The following MAP3K1 variants were observed in gnomAD, a reference collection of about 807,000 sequenced individuals.
The protein encoded by MAP3K1 is MAP/ERK kinase kinase 1.
A neutral mutation model predicts 144.2 loss-of-function variants in MAP3K1; 36 were observed. The ratio of observed to expected loss-of-function variants is 0.25; its 90% CI spans 0.19 to 0.33. The LOEUF (loss-of-function observed/expected upper bound fraction) is 0.33, where lower values mean the gene tolerates loss of function less well. MAP3K1 is among the 10% of genes least tolerant of loss of function. The pLI, the probability that MAP3K1 is intolerant of heterozygous loss-of-function variation, is 1.00. For synonymous variants in MAP3K1, 718 were observed against 688.7 expected (o/e 1.04, Z -0.67); for missense variants, 1,650 against 1,881.9 (o/e 0.88, Z 2.28).
rs61590040 is a variant in MAP3K1 at position 56,892,967 on chromosome 5, CTTT to C, written c.4390-557_4390-555del. Among the ~76,000 whole-genome samples, 141 of 150,376 alleles carry C rather than the reference CTTT, an allele frequency of 9.4e-4. 1 individual carries two copies. The highest frequency in any genetic ancestry group is 1.6e-3 in the African/African-American group (65 of 41,086). On this transcript the variant is annotated intron_variant, in intron 19 of 19. Transcript: ENST00000399503. ...CTACAAATAAGACCAAATAAAATTT[CTTT>C]TTTTTTAAAAAAAAAGTATTCAGAC... is the stretch of plus-strand genomic sequence containing the variant.
Position 56,868,090 on chromosome 5 carries a change from T to TTAA in MAP3K1, c.1301+2115_1301+2116insATA, listed in dbSNP as rs1469398822. On this transcript the variant is annotated intron_variant, in intron 6 of 19. Coordinates refer to ENST00000399503, the MANE Select transcript of MAP3K1 (RefSeq NM_005921.2). Reference sequence around the variant, plus strand: ...CACTGGTTATTAATAGGAGGTGCTATTATGGGTAACTTTTTTTAAACTTTA... The same window carrying TTAA: ...CACTGGTTATTAATAGGAGGTGCTATTAATATGGGTAACTTTTTTTAAACTTTA... Among the ~76,000 whole-genome samples, 10 of 152,290 alleles carry TTAA rather than the reference T, an allele frequency of 6.6e-5. No homozygotes were observed. In the East Asian group the frequency reaches 1.5e-3, roughly 23 times the overall value.
Position 56,815,747 on chromosome 5 carries a change from G to A in MAP3K1, c.174G>A (p.Arg58=). The change falls in exon 1 of 20, where the codon CGG becomes CGA. Residue 58 remains arginine, a synonymous_variant. Transcript: ENST00000399503. ...GSGGRERADW[R]RRQLRKVRSV... is the part of the protein sequence containing the mutation. ...GGGGCCGCGAGCGGGCGGACTGGCG[G>A]CGGCGGCAGCTGCGCAAAGTGCGGA... 1 of 1,365,372 alleles carries A rather than the reference G, an allele frequency of 7.3e-7. No homozygotes were observed. Among genetic ancestry groups the A allele is most frequent in the Non-Finnish European group, 9.5e-7 (1 of 1,055,634 alleles). The allele number at this position is 1,365,372 out of a possible 1,614,324, so 84.6% of individuals were successfully genotyped here. A position where few individuals can be genotyped will look rare whatever the true frequency, so the allele number is the denominator to read the frequency against.
At chr5:56,874,290 T>C (rs1265631952) in intron 9 of MAP3K1, among the ~76,000 whole-genome samples, 2 of 152,230 alleles carry the variant, frequency 1.3e-5, no homozygotes, top group African/African-American at 4.8e-5. Context: ...TTAAGCTTAC[T>C]TTTAGCTAAT....
intron 3 of MAP3K1, among the ~76,000 whole-genome samples, chr5:56,863,458 A>G (rs1354921533): frequency 2.6e-5 from 4 of 152,200 alleles, no homozygotes; most frequent in Non-Finnish European, 4.4e-5. Flanking sequence ...TTCAAGGTTC[A>G]TCCATGCTAT....
At chr5:56,876,586 GC>G (rs1410894504) in intron 10 of MAP3K1, among the ~76,000 whole-genome samples, 1 of 152,144 alleles carries the variant, frequency 6.6e-6, no homozygotes, top group African/African-American at 2.4e-5. Context: ...AGTTGGACTA[GC>G]CTAGGCAATC....
chr5:56,884,775 G>A lies in MAP3K1; in HGVS notation c.3931G>A (p.Gly1311Arg). Residue 1311 changes from glycine (G) to arginine (R), a missense_variant, in exon 16 of 20, where the codon GGA (glycine) becomes AGA (arginine). By Grantham distance (125) the Gly-to-Arg change is moderately radical (BLOSUM62 -2). Around this residue, in one of 6 missense-constraint regions of MAP3K1, gnomAD observed 165 missense variants for 322.9 expected, o/e 0.51. Coordinates refer to ENST00000399503, the MANE Select transcript of MAP3K1 (RefSeq NM_005921.2). Reference sequence around the variant, plus strand: ...TCATCCAAACATCATTAGGATGTTGGGAGCCACGTGTGAGAAGAGCAATTA... The same window carrying A: ...TCATCCAAACATCATTAGGATGTTGAGAGCCACGTGTGAGAAGAGCAATTA... ...LNHPNIIRMLGATCEKSNYNL... is the reference protein window; with the variant it reads ...LNHPNIIRMLRATCEKSNYNL... The A allele has an allele frequency of 6.2e-7, 1 of 1,613,810 alleles. No homozygotes were observed. The highest frequency in any genetic ancestry group is 8.5e-7 in the Non-Finnish European group (1 of 1,179,834).
Position 56,815,575 on chromosome 5 carries a change from T to TGGCGGC in MAP3K1, c.11_16dup (p.Ala4_Ala5dup), listed in dbSNP as rs779149827. ...AGCGAATGTAGCCCGCGAGAGAAAATGGCGGCGGCGGCGGGGAATCGCGCC... is the reference window on the plus strand; with the variant it reads ...AGCGAATGTAGCCCGCGAGAGAAAATGGCGGCGGCGGCGGCGGCGGGGAATCGCGCC... On this transcript the variant is annotated inframe_insertion, in exon 1 of 20. Coordinates refer to ENST00000399503, the MANE Select transcript of MAP3K1 (RefSeq NM_005921.2). 6 of 1,297,762 alleles carry TGGCGGC rather than the reference T, an allele frequency of 4.6e-6. No individual in the cohort carries two copies. Among genetic ancestry groups the TGGCGGC allele is most frequent in the South Asian group, 2.3e-5 (1 of 44,260 alleles). 80.4% of individuals were successfully genotyped at this position (1,297,762 alleles called of 1,614,324 possible). A position where few individuals can be genotyped will look rare whatever the true frequency, so the allele number is the denominator to read the frequency against.
intron 7 of MAP3K1, 21 bp downstream of exon 7, chr5:56,872,052 C>T: frequency 6.2e-7 from 1 of 1,613,712 alleles, no homozygotes; most frequent in Non-Finnish European, 8.5e-7. Flanking sequence ...CTTTTTCTCC[C>T]TATGCTTACT....
Position 56,875,255 on chromosome 5 carries a change from G to C in MAP3K1, c.1910G>C (p.Ser637Thr), listed in dbSNP as rs1250889427. Residue 637 changes from serine (S) to threonine (T), a missense_variant, in exon 10 of 20, where the codon AGC (serine) becomes ACC (threonine). This residue lies in a region of MAP3K1 where 841 missense variants were observed against 886.5 expected (regional missense o/e 0.95). Transcript: ENST00000399503. ...ISGDVVEACC[S>T]VLSMVCADPV... ...GGAGATGTGGTGGAGGCATGCTGCA[G>C]CGTTCTGTCAATGGTCTGTGCTGAC... The C allele has an allele frequency of 1.9e-6, 3 of 1,614,134 alleles. No homozygotes were observed. Among genetic ancestry groups the C allele is most frequent in the East Asian group, 4.5e-5 (2 of 44,878 alleles).
At chr5:56,865,519 T>G in intron 5 of MAP3K1, 63 bp downstream of exon 5, 1 of 1,002,258 alleles carries the variant, frequency 1.0e-6, no homozygotes, top group Admixed American at 1.8e-5. Flanking sequence ...ATTCTTAAAA[T>G]TTATCCTTCA....
intron 1 of MAP3K1, among the ~76,000 whole-genome samples, chr5:56,841,765 G>A (rs991851657): frequency 6.6e-6 from 1 of 152,100 alleles, no homozygotes; most frequent in Non-Finnish European, 1.5e-5. Context: ...GATTTCATAG[G>A]TTCTTAAGTT....
chr5:56,864,313 G>A (rs183488283), intron 3 of MAP3K1, among the ~76,000 whole-genome samples: 2 of 151,512 alleles, frequency 1.3e-5, no homozygotes, highest in Admixed American at 6.6e-5. Context: ...TTTTAAATCT[G>A]ACATTTTTTC....
Position 56,879,034 on chromosome 5 carries a change from A to G in MAP3K1, c.2020A>G (p.Ile674Val). The G allele has an allele frequency of 6.2e-7, 1 of 1,613,976 alleles. No homozygotes were observed. The highest frequency in any genetic ancestry group is 8.5e-7 in the Non-Finnish European group (1 of 1,179,888). ...YTPCHSLAER[I>V]KLQRLLQPVV... is the part of the protein sequence containing the mutation. ...TCCTTGCCACAGTTTAGCGGAAAGA[A>G]TCAAACTTCAGAGACTTCTCCAGCC... The change falls in exon 11 of 20, where the codon ATC becomes GTC. Residue 674 changes from isoleucine (I) to valine (V), a missense_variant. Physicochemically the swap from Ile to Val is conservative, Grantham distance 29. Transcript: ENST00000399503.
chr5:56,865,107 C>T (rs1197895698), intron 4 of MAP3K1, among the ~76,000 whole-genome samples, 173 bp downstream of exon 4: 1 of 151,962 alleles, frequency 6.6e-6, no homozygotes, highest in Non-Finnish European at 1.5e-5. Context: ...TGAGGTTTTA[C>T]TATCTTAATA....
rs1189529380 is a variant in MAP3K1, at chr5:56,887,491, C to T, written c.4228C>T (p.Leu1410=). ...TGCAGGAGAGTTTCAGGGACAATTA[C>T]TGGGGACAATTGCATTTATGGCACC... ...TGAGEFQGQL[L]GTIAFMAPEV... Residue 1410 remains leucine (L), a synonymous_variant, in exon 18 of 20, where the codon CTG becomes TTG. Coordinates refer to ENST00000399503, the MANE Select transcript of MAP3K1 (RefSeq NM_005921.2). 1.2e-6 allele frequency: 2 copies of T among 1,614,016 alleles called. No individual in the cohort carries two copies. Among genetic ancestry groups the T allele is most frequent in the African/African-American group, 1.3e-5 (1 of 74,924 alleles).
intron 1 of MAP3K1, chr5:56,820,957 AG>A (rs1284515748): frequency 1.3e-4 from 37 of 274,770 alleles, no homozygotes; most frequent in Non-Finnish European, 1.8e-4. Context: ...CTGCATGTTC[AG>A]GCATGTTTTT....
chr5:56,816,628 A>T (rs553807006), intron 1 of MAP3K1, among the ~76,000 whole-genome samples: 1 of 151,848 alleles, frequency 6.6e-6, no homozygotes, highest in Non-Finnish European at 1.5e-5. Context: ...CTAGGCAGAT[A>T]CCGCGGGCTG....
At chr5:56,851,312 T>C (rs1331137657) in intron 1 of MAP3K1, among the ~76,000 whole-genome samples, 2 of 152,190 alleles carry the variant, frequency 1.3e-5, no homozygotes, top group African/African-American at 4.8e-5. Context: ...AACTAGTGTT[T>C]TAGTCAGACT....
intron 1 of MAP3K1, among the ~76,000 whole-genome samples, chr5:56,835,608 T>A (rs73135017): frequency 0.039 from 5,964 of 151,920 alleles, 416 homozygotes; most frequent in African/African-American, 0.14. Context: ...GTGCGGAATC[T>A]TAGGCTACTC....
Sources: gnomAD v4.1 joint callset for allele counts (sites outside exome capture counted in the v4.1 genomes callset) on GRCh38, gnomAD v4.1.1 for gene constraint, gnomAD v4.1.1 regional missense constraint, MANE v1.5 for transcripts, NCBI Gene and HGNC (gene_info 2026-07-23, HGNC 2026-07-21) for gene names.